Variants in IMPG1 observed in about 807,000 individuals in gnomAD.
IMPG1 encodes the protein interphotoreceptor matrix proteoglycan of 150 kDa.
Under a neutral mutation model 92.0 loss-of-function variants are expected in IMPG1, and 85 were observed. That is an observed-to-expected ratio of 0.92 (90% CI 0.78 to 1.11). IMPG1 has a LOEUF of 1.11. Ranked by LOEUF, IMPG1 falls within the 50% of genes least tolerant of loss-of-function variation. IMPG1 has a pLI of 0.00. For synonymous variants in IMPG1, 367 were observed against 334.1 expected, an observed-to-expected ratio of 1.10 and a Z score of -1.08; for missense variants, 1,022 against 956.0, an observed-to-expected ratio of 1.07 and a Z score of -0.91.
chr6:75,942,597 G>A (rs1270737707), intron 14 of IMPG1, among the ~76,000 whole-genome samples: 1 of 152,198 alleles, frequency 6.6e-6, no homozygotes, highest in African/African-American at 2.4e-5. Context: ...AGGGTCCTGA[G>A]AGACAGCACG....
intron 1 of IMPG1, 137 bp downstream of exon 1, chr6:76,072,285 A>G: frequency 2.0e-6 from 1 of 504,918 alleles, no homozygotes. Context: ...TATTCAATCA[A>G]TCAAGCAATA....
At chr6:75,983,438 T>C (rs1782661532) in intron 12 of IMPG1, among the ~76,000 whole-genome samples, 1 of 152,080 alleles carries the variant, frequency 6.6e-6, no homozygotes, top group Non-Finnish European at 1.5e-5. Flanking sequence ...TTAAGGCCAA[T>C]TGATTTTTGA....
Position 75,950,841 on chromosome 6 carries a change from C to A in IMPG1, c.1545G>T (p.Met515Ile). ...DSRSSAGGED[M>I]VRHLDEMDLS... ...GATCCATTTCATCTAGGTGTCTGAC[C>A]ATATCTTCGCCACCTGCACTTGATC... The change falls in exon 13 of 17, where the codon ATG becomes ATT. Residue 515 changes from methionine (M) to isoleucine (I), a missense_variant. Physicochemically the swap from Met to Ile is conservative, Grantham distance 10. Around this residue, in one of 3 missense-constraint regions of IMPG1, gnomAD observed 332 missense variants for 346.2 expected, o/e 0.96. Transcript: ENST00000369950. 1 of 1,613,886 alleles carries A rather than the reference C, an allele frequency of 6.2e-7. No individual in the cohort carries two copies. Among genetic ancestry groups the A allele is most frequent in the African/African-American group, 1.3e-5 (1 of 75,036 alleles).
At chr6:75,974,326 T>C (rs1562354281) in intron 12 of IMPG1, among the ~76,000 whole-genome samples, 2 of 148,530 alleles carry the variant, frequency 1.3e-5, no homozygotes, top group Non-Finnish European at 1.5e-5. Context: ...TCCCTCTTTC[T>C]TTCCCTTTCT....
rs765196335 is a variant in IMPG1 at position 76,034,307 on chromosome 6, G to A, written c.497+8C>T. ...CACACACACACACACTCTATTTTGG[G>A]TACTTGCCTGTCAGGGAAACTTCTC... On this transcript the variant is annotated splice_region_variant and intron_variant, in intron 4 of 16. Transcript: ENST00000369950. 14 of 1,612,064 alleles carry A rather than the reference G, an allele frequency of 8.7e-6. No homozygotes were observed. The highest frequency in any genetic ancestry group is 1.3e-5 in the African/African-American group (1 of 74,938).
chr6:76,004,848 C>A (rs1783063583), intron 10 of IMPG1, among the ~76,000 whole-genome samples: 1 of 152,162 alleles, frequency 6.6e-6, no homozygotes, highest in Admixed American at 6.5e-5. Context: ...CTCTCCTAAT[C>A]CTTTGTGTAC....
At chr6:76,005,199 G>T in intron 10 of IMPG1, 88 bp downstream of exon 10, 2 of 1,375,524 alleles carry the variant, frequency 1.5e-6, no homozygotes, top group Non-Finnish European at 2.0e-6. Context: ...GAAGACCCAA[G>T]TTAAAATGAC....
intron 1 of IMPG1, among the ~76,000 whole-genome samples, chr6:76,046,278 A>C (rs1783940823): frequency 6.6e-6 from 1 of 151,586 alleles, no homozygotes; most frequent in Non-Finnish European, 1.5e-5. Flanking sequence ...ATATTAGAAC[A>C]GTTTAATTAA....
At chr6:75,978,921 G>T (rs1435790287) in intron 12 of IMPG1, among the ~76,000 whole-genome samples, 1 of 151,918 alleles carries the variant, frequency 6.6e-6, no homozygotes, top group Non-Finnish European at 1.5e-5. Context: ...ACTTTTTTGG[G>T]GGGTGGGGAG....
chr6:76,063,078 C>T (rs532188006), intron 1 of IMPG1, among the ~76,000 whole-genome samples: 3 of 151,920 alleles, frequency 2.0e-5, no homozygotes, highest in African/African-American at 2.4e-5. Context: ...GTGGCAGGCA[C>T]CTGTAGTCAC....
Position 76,005,250 on chromosome 6 carries a change from T to C in IMPG1, c.1135+37A>G, listed in dbSNP as rs547802462. 8.1e-5 allele frequency: 129 copies of C among 1,599,608 alleles called. 1 individual carries two copies. The South Asian group carries it at 1.4e-3, about 18-fold the overall frequency. On this transcript the variant is annotated intron_variant, in intron 10 of 16. Transcript: ENST00000369950. ...TTCACATTCTTAGTCTCTGCCAAAA[T>C]GAGAATAAACTCAGAACTAAGCAAT... is the stretch of plus-strand genomic sequence containing the variant.
intron 2 of IMPG1, among the ~76,000 whole-genome samples, chr6:76,039,131 G>C (rs1469370274): frequency 6.6e-6 from 1 of 152,178 alleles, no homozygotes; most frequent in African/African-American, 2.4e-5. Flanking sequence ...CTAGATTAGT[G>C]CTTCTAGAAC....
At chr6:76,033,368 G>A (rs929387302) in intron 4 of IMPG1, among the ~76,000 whole-genome samples, 26 of 152,326 alleles carry the variant, frequency 1.7e-4, no homozygotes, top group African/African-American at 5.1e-4. Flanking sequence ...ACACAGACAC[G>A]GAGGTGGGCT....
intron 13 of IMPG1, among the ~76,000 whole-genome samples, chr6:75,948,442 C>T (rs1168381652): frequency 6.6e-6 from 1 of 152,120 alleles, no homozygotes; most frequent in African/African-American, 2.4e-5. Context: ...TAGGTGTGAC[C>T]CACACCTCCT....
chr6:76,050,500 C>A (rs1412447467), intron 1 of IMPG1, among the ~76,000 whole-genome samples: 2 of 152,128 alleles, frequency 1.3e-5, no homozygotes, highest in Non-Finnish European at 2.9e-5. Flanking sequence ...GAAAGCCAGC[C>A]CTTTGGTCAA....
At chr6:75,951,223 ATTTTT>A in intron 12 of IMPG1, 129 bp from the exon 13 acceptor site, 1 of 581,898 alleles carries the variant, frequency 1.7e-6, no homozygotes, top group Non-Finnish European at 2.9e-6. Context: ...TTCAATAGTC[ATTTTT>A]TTTTTTTTAA....
chr6:76,044,865 C>G (rs1249178908), intron 1 of IMPG1, among the ~76,000 whole-genome samples: 1 of 152,160 alleles, frequency 6.6e-6, no homozygotes, highest in Non-Finnish European at 1.5e-5. Flanking sequence ...TCCAGGTTCA[C>G]TGACAGGGAT....
At chr6:76,011,631 T>A (rs573605762) in intron 7 of IMPG1, among the ~76,000 whole-genome samples, 4 of 151,820 alleles carry the variant, frequency 2.6e-5, no homozygotes, top group African/African-American at 4.8e-5. Context: ...CATGTGCACA[T>A]TGTGCAGGTT....
chr6:75,923,027 G>T (rs907417440), intron 16 of IMPG1, among the ~76,000 whole-genome samples: 12 of 151,682 alleles, frequency 7.9e-5, no homozygotes, highest in Admixed American at 2.6e-4. Context: ...ATTGTCCAAG[G>T]TTTTTTCCCC....
Sources: gnomAD v4.1 joint callset for allele counts (sites outside exome capture counted in the v4.1 genomes callset) on GRCh38, gnomAD v4.1.1 for gene constraint, gnomAD v4.1.1 regional missense constraint, MANE v1.5 for transcripts, NCBI Gene and HGNC (gene_info 2026-07-23, HGNC 2026-07-21) for gene names.